The following GNB1L variants were observed in gnomAD, a reference collection of about 807,000 sequenced individuals.
GNB1L encodes G protein subunit beta 1 like.
Under a neutral mutation model 29.1 loss-of-function variants are expected in GNB1L, and 20 were observed. The observed-to-expected ratio is 0.69, with a 90% CI of 0.48 to 1.00. GNB1L has a LOEUF of 1.00. Among genes scored for constraint, GNB1L ranks in the 50% least tolerant of loss-of-function variants. The probability of loss-of-function intolerance (pLI) is 0.00; values close to 1 mark genes in which losing one functional copy is unlikely to be tolerated. For missense variants in GNB1L, 421 were observed against 464.9 expected (o/e 0.91, Z 0.87); for synonymous variants, 193 against 206.5 (o/e 0.93, Z 0.56).
rs1290208614 is a variant in GNB1L at position 19,816,431 on chromosome 22, T to A, written c.255-3984A>T. ...TCCTCTGACGTGGCCATCTGCGAGA[T>A]GTCCAGACCTAGAATCTGCCATCTC... is the stretch of plus-strand genomic sequence containing the variant. On this transcript the variant is annotated intron_variant, in intron 4 of 7. Coordinates refer to ENST00000329517, the MANE Select transcript of GNB1L (RefSeq NM_053004.3). This position sits in a 1 kb window ranked among gnomAD's most constrained non-coding sequence, Gnocchi z 4.4. 1.3e-5 allele frequency among the ~76,000 whole-genome samples: 2 copies of A among 152,190 alleles called. No homozygotes were observed. The highest frequency in any genetic ancestry group is 2.9e-5 in the Non-Finnish European group (2 of 68,028).
At chr22:19,818,445 T>A (rs1937552419) in intron 4 of GNB1L, among the ~76,000 whole-genome samples, 1 of 152,044 alleles carries the variant, frequency 6.6e-6, no homozygotes, top group South Asian at 2.1e-4. Flanking sequence ...TGGTGAGGGA[T>A]CTGGGTCGGC....
chr22:19,823,188 A>G (rs947941004), intron 2 of GNB1L, among the ~76,000 whole-genome samples: 2 of 152,074 alleles, frequency 1.3e-5, no homozygotes, highest in African/African-American at 4.8e-5. Flanking sequence ...GCCAAGTCCC[A>G]TTTTTCCTTT....
chr22:19,815,713 C>A (rs1273697896), intron 4 of GNB1L, among the ~76,000 whole-genome samples: 2 of 152,156 alleles, frequency 1.3e-5, no homozygotes, highest in African/African-American at 4.8e-5. Context: ...TCCCAAGTAG[C>A]TGGGACTACC....
chr22:19,801,826 C>T (rs963407515), intron 7 of GNB1L, among the ~76,000 whole-genome samples, 175 bp downstream of exon 7: 1 of 152,180 alleles, frequency 6.6e-6, no homozygotes, highest in Non-Finnish European at 1.5e-5. Flanking sequence ...GGTCTGCCAG[C>T]GCCCACGCCC....
chr22:19,799,046 G>A lies in GNB1L; in HGVS notation c.732+2955C>T, dbSNP rs191394404. Among the ~76,000 whole-genome samples, 512 of 152,380 alleles carry A rather than the reference G, an allele frequency of 3.4e-3. 4 individuals carry two copies. The highest frequency in any genetic ancestry group is 0.012 in the African/African-American group (500 of 41,602). ...CTCTGCTACTGCCCTCTAAAGGGAA[G>A]CCTCTGGCAGACAGCGCAGCAGCCA... On this transcript the variant is annotated intron_variant, in intron 7 of 7. Coordinates refer to ENST00000329517, the MANE Select transcript of GNB1L (RefSeq NM_053004.3).
At chr22:19,812,233 G>T in intron 5 of GNB1L, 52 bp downstream of exon 5, 1 of 1,572,790 alleles carries the variant, frequency 6.4e-7, no homozygotes, top group South Asian at 1.1e-5. Flanking sequence ...AAATGCAGAG[G>T]ATGAGCACAA....
intron 2 of GNB1L, among the ~76,000 whole-genome samples, chr22:19,825,782 C>T (rs1171452916): frequency 6.6e-6 from 1 of 151,694 alleles, no homozygotes; most frequent in South Asian, 2.1e-4. Flanking sequence ...TAGTCAGACC[C>T]CCATCTCTAC....
chr22:19,838,410 A>T (rs1187559441), intron 2 of GNB1L, among the ~76,000 whole-genome samples: 1 of 152,208 alleles, frequency 6.6e-6, no homozygotes, highest in African/African-American at 2.4e-5. Flanking sequence ...GTGAAATGCA[A>T]AATGGTGCCC....
At chr22:19,825,115 G>A (rs1234542083) in intron 2 of GNB1L, among the ~76,000 whole-genome samples, 1 of 152,214 alleles carries the variant, frequency 6.6e-6, no homozygotes, top group African/African-American at 2.4e-5. Flanking sequence ...GACAGCACAA[G>A]GACAGGCCGC....
intron 7 of GNB1L, among the ~76,000 whole-genome samples, chr22:19,800,288 C>G (rs1937354601): frequency 6.6e-6 from 1 of 152,230 alleles, no homozygotes; most frequent in Non-Finnish European, 1.5e-5. Flanking sequence ...AGGAGGGCCC[C>G]TTCCTGGGGT....
chr22:19,832,045 T>C (rs1367340952), intron 2 of GNB1L, among the ~76,000 whole-genome samples: 1 of 152,062 alleles, frequency 6.6e-6, no homozygotes, highest in Non-Finnish European at 1.5e-5. Context: ...AGCAACTACC[T>C]AAGGCTGGGC....
At chr22:19,841,959 G>A (rs1306322178) in intron 2 of GNB1L, among the ~76,000 whole-genome samples, 2 of 152,216 alleles carry the variant, frequency 1.3e-5, no homozygotes, top group Non-Finnish European at 2.9e-5. Flanking sequence ...CTCCAGGCCA[G>A]CAAGAACATG....
intron 4 of GNB1L, among the ~76,000 whole-genome samples, chr22:19,813,613 G>A (rs1392648629): frequency 1.3e-5 from 2 of 152,146 alleles, no homozygotes; most frequent in Admixed American, 6.5e-5. Flanking sequence ...GTTTGAACCC[G>A]GGAGGCAGAG....
At chr22:19,847,749 T>C (rs1937993925) in intron 2 of GNB1L, 1 of 967,216 alleles carries the variant, frequency 1.0e-6, no homozygotes, top group Admixed American at 7.2e-5. Flanking sequence ...GGTCCACTTC[T>C]CCATACCTCC....
chr22:19,797,256 G>T (rs1177516532), intron 7 of GNB1L, among the ~76,000 whole-genome samples: 2 of 151,896 alleles, frequency 1.3e-5, no homozygotes, highest in African/African-American at 2.4e-5. Context: ...TAGGCAGGTG[G>T]TGGGAGAGGG....
chr22:19,837,067 C>T lies in GNB1L; in HGVS notation c.-20-15692G>A, dbSNP rs564846757. On this transcript the variant is annotated intron_variant, in intron 2 of 7. Coordinates refer to ENST00000329517, the MANE Select transcript of GNB1L (RefSeq NM_053004.3). ...CTGCAAGCTCTGCCTCCTGGGTTCA[C>T]GCCATTCTCCCACCTCAGCCTCCTG... 3.0e-4 allele frequency among the ~76,000 whole-genome samples: 46 copies of T among 151,766 alleles called. 1 individual carries two copies. Among genetic ancestry groups the T allele is most frequent in the Admixed American group, 2.0e-3 (30 of 15,254 alleles).
Position 19,833,999 on chromosome 22 carries a change from T to G in GNB1L, c.-20-12624A>C, listed in dbSNP as rs955469525. ...ATAAGTGGTTAGCATAGCAGGGACT[T>G]GTGGAATAATAGTAAAAGGTCTAAC... On this transcript the variant is annotated intron_variant, in intron 2 of 7. Transcript: ENST00000329517. Among the ~76,000 whole-genome samples the G allele has an allele frequency of 5.3e-5, 8 of 151,666 alleles. 1 individual carries two copies. The highest frequency in any genetic ancestry group is 1.0e-4 in the Non-Finnish European group (7 of 67,914).
rs1937183902 is a variant in GNB1L, at chr22:19,785,414, AAAAAACACCCC to A, written c.*3284_*3294del. 1 of 152,018 alleles carries A rather than the reference AAAAAACACCCC, an allele frequency of 6.6e-6. No homozygotes were observed. The highest frequency in any genetic ancestry group is 1.5e-5 in the Non-Finnish European group (1 of 68,002). 9.4% of individuals were successfully genotyped at this position (152,018 alleles called of 1,614,324 possible). A position where few individuals can be genotyped will look rare whatever the true frequency, so the allele number is the denominator to read the frequency against. ...ACAGAGTGAGACTCTGACTCAAAAAAAAAAACACCCCAAAAACACAGGATGGTAGAACACAC... is the reference window on the plus strand; with the variant it reads ...ACAGAGTGAGACTCTGACTCAAAAAAAAAAACACAGGATGGTAGAACACAC... On this transcript the variant is annotated 3_prime_UTR_variant, in exon 8 of 8. Coordinates refer to ENST00000329517, the MANE Select transcript of GNB1L (RefSeq NM_053004.3). This position sits in a 1 kb window ranked among gnomAD's most constrained non-coding sequence, Gnocchi z 4.1.
At chr22:19,845,173 ATG>A (rs1353007530) in intron 2 of GNB1L, among the ~76,000 whole-genome samples, 1 of 152,156 alleles carries the variant, frequency 6.6e-6, no homozygotes, top group Non-Finnish European at 1.5e-5. Context: ...GGCCAGGTGT[ATG>A]TCTCATCAAC....
Sources: gnomAD v4.1 joint callset for allele counts (sites outside exome capture counted in the v4.1 genomes callset) on GRCh38, gnomAD v4.1.1 for gene constraint, Gnocchi (gnomAD v3.1) non-coding constraint, MANE v1.5 for transcripts, NCBI Gene and HGNC (gene_info 2026-07-23, HGNC 2026-07-21) for gene names.